Variants in DDX4 observed in about 807,000 individuals in gnomAD.
DDX4 encodes the protein probable ATP-dependent RNA helicase DDX4.
A neutral mutation model predicts 100.0 loss-of-function variants in DDX4; 25 were observed. That is an observed-to-expected ratio of 0.25 (90% CI 0.18 to 0.35). The LOEUF (loss-of-function observed/expected upper bound fraction) is 0.35, where lower values mean the gene tolerates loss of function less well. DDX4 is among the 10% of genes least tolerant of loss of function. The probability of loss-of-function intolerance (pLI) is 1.00; values close to 1 mark genes in which losing one functional copy is unlikely to be tolerated. For missense variants in DDX4, 635 were observed against 882.4 expected (o/e 0.72, Z 3.55); for synonymous variants, 259 against 275.7 (o/e 0.94, Z 0.60).
rs1157509861 is a variant in DDX4, at chr5:55,738,875, A to G, written c.-14-75A>G. The G allele has an allele frequency of 6.7e-6, 6 of 890,022 alleles. No individual in the cohort carries two copies. In the East Asian group the frequency reaches 1.2e-4, roughly 18 times the overall value. 55.1% of individuals were successfully genotyped at this position (890,022 alleles called of 1,614,324 possible). A position where few individuals can be genotyped will look rare whatever the true frequency, so the allele number is the denominator to read the frequency against. ...GTAGTTTCAAGATGTATGTGAAACA[A>G]TGAGTTTATGCTTTTAAAGTTATGA... On this transcript the variant is annotated intron_variant, in intron 1 of 21. Coordinates refer to ENST00000505374, the MANE Select transcript of DDX4 (RefSeq NM_024415.3).
intron 15 of DDX4, 25 bp downstream of exon 15, chr5:55,788,025 C>A (rs751886876): frequency 6.4e-7 from 1 of 1,559,950 alleles, no homozygotes; most frequent in Non-Finnish European, 8.7e-7. Context: ...GTGCTACTCA[C>A]AAAATAGTTT....
intron 17 of DDX4, among the ~76,000 whole-genome samples, chr5:55,796,889 T>C (rs1742996977): frequency 7.6e-6 from 1 of 130,942 alleles, no homozygotes; most frequent in African/African-American, 2.8e-5. Flanking sequence ...TCGCCCAGGC[T>C]GAAGTTCAGA....
At chr5:55,753,713 T>G (rs1289021713) in intron 3 of DDX4, among the ~76,000 whole-genome samples, 6 of 135,974 alleles carry the variant, frequency 4.4e-5, no homozygotes, top group East Asian at 2.2e-4. Flanking sequence ...GTGAAGAAAG[T>G]CATTGGTAGC....
intron 3 of DDX4, among the ~76,000 whole-genome samples, chr5:55,759,739 A>T (rs1207568633): frequency 6.6e-6 from 1 of 152,206 alleles, no homozygotes; most frequent in African/African-American, 2.4e-5. Flanking sequence ...CCAGAGGAGA[A>T]ATTCATGTTA....
chr5:55,809,449 T>C (rs1355449929), intron 18 of DDX4, among the ~76,000 whole-genome samples: 1 of 152,150 alleles, frequency 6.6e-6, no homozygotes, highest in Non-Finnish European at 1.5e-5. Context: ...TATTTGGCCA[T>C]CTTGGCTCCA....
intron 14 of DDX4, among the ~76,000 whole-genome samples, chr5:55,787,046 A>T (rs773766807): frequency 2.6e-5 from 4 of 152,228 alleles, no homozygotes; most frequent in Non-Finnish European, 5.9e-5. Flanking sequence ...AGAAACAGTT[A>T]TGCATTGTGC....
intron 16 of DDX4, among the ~76,000 whole-genome samples, chr5:55,791,276 AG>A (rs1277756694): frequency 6.6e-6 from 1 of 152,208 alleles, no homozygotes; most frequent in African/African-American, 2.4e-5. Context: ...TTAATGAACC[AG>A]ATTTGCTTTT....
chr5:55,741,322 A>G (rs1192946024), intron 2 of DDX4, among the ~76,000 whole-genome samples: 7 of 152,198 alleles, frequency 4.6e-5, no homozygotes, highest in Non-Finnish European at 7.3e-5. Flanking sequence ...TGACCAGTCT[A>G]CCTTATGATG....
intron 18 of DDX4, among the ~76,000 whole-genome samples, chr5:55,808,232 A>G (rs1743872602): frequency 6.6e-6 from 1 of 151,928 alleles, no homozygotes; most frequent in Admixed American, 6.6e-5. Flanking sequence ...ATTTTTTTTC[A>G]AGGTTTTTAA....
chr5:55,786,586 T>C lies in DDX4; in HGVS notation c.933T>C (p.Leu311=). Reference sequence around the variant, plus strand: ...TTGCTAAAGCTGGTTATACTAAGCTTACTCCTGTGCAAAAATACAGTATTC... The same window carrying C: ...TTGCTAAAGCTGGTTATACTAAGCTCACTCCTGTGCAAAAATACAGTATTC... The part of the protein sequence containing the change: ...NNIAKAGYTK[L]TPVQKYSIPI... The change falls in exon 14 of 22, where the codon CTT becomes CTC. Residue 311 remains leucine (L), a synonymous_variant. Coordinates refer to ENST00000505374, the MANE Select transcript of DDX4 (RefSeq NM_024415.3). The C allele has an allele frequency of 6.2e-7, 1 of 1,612,684 alleles. No homozygotes were observed. The highest frequency in any genetic ancestry group is 1.7e-5 in the Admixed American group (1 of 59,998).
At chr5:55,762,954 A>T (rs1740655418) in intron 4 of DDX4, among the ~76,000 whole-genome samples, 1 of 152,118 alleles carries the variant, frequency 6.6e-6, no homozygotes, top group Non-Finnish European at 1.5e-5. Flanking sequence ...ACTAGTAGAA[A>T]GCTGTGTTTC....
intron 18 of DDX4, among the ~76,000 whole-genome samples, chr5:55,807,988 C>T (rs1743859133): frequency 6.6e-6 from 1 of 152,288 alleles, no homozygotes; most frequent in East Asian, 1.9e-4. Flanking sequence ...TTCACATAGT[C>T]CCATATTTCT....
At chr5:55,738,806 T>C in intron 1 of DDX4, 144 bp from the exon 2 acceptor site, 1 of 648,884 alleles carries the variant, frequency 1.5e-6, no homozygotes, top group South Asian at 1.8e-5. Context: ...AGAGACCTAA[T>C]TCCTTCTTTG....
rs1742098482 is a variant in DDX4 at position 55,784,124 on chromosome 5, A to G, written c.626-1173A>G. Among the ~76,000 whole-genome samples, 4 of 152,164 alleles carry G rather than the reference A, an allele frequency of 2.6e-5. No homozygotes were observed. The South Asian group carries it at 8.3e-4, about 32-fold the overall frequency. ...CTGTCCTTGTGATAGTTTGCTGAGA[A>G]TGATGGAACCAGGGAAGTTGATGGT... On this transcript the variant is annotated intron_variant, in intron 10 of 21. Coordinates refer to ENST00000505374, the MANE Select transcript of DDX4 (RefSeq NM_024415.3).
intron 2 of DDX4, among the ~76,000 whole-genome samples, chr5:55,745,569 AT>A (rs1461233086): frequency 6.6e-6 from 1 of 151,974 alleles, no homozygotes; most frequent in Non-Finnish European, 1.5e-5. Context: ...CTACAGGCTC[AT>A]GCCACCACAC....
intron 17 of DDX4, among the ~76,000 whole-genome samples, chr5:55,798,202 C>T (rs1419556780): frequency 6.6e-6 from 1 of 152,096 alleles, no homozygotes; most frequent in African/African-American, 2.4e-5. Flanking sequence ...CATATCCATA[C>T]TTTGACAAAC....
chr5:55,765,430 A>G (rs949731750), intron 6 of DDX4, among the ~76,000 whole-genome samples: 8 of 141,820 alleles, frequency 5.6e-5, no homozygotes, highest in Admixed American at 5.0e-4. Flanking sequence ...ATATATATAT[A>G]TATATATGGA....
Position 55,781,942 on chromosome 5 carries a change from G to A in DDX4, c.586G>A (p.Asp196Asn). Residue 196 changes from aspartate (D) to asparagine (N), a missense_variant, in exon 10 of 22, where the codon GAT becomes AAT. Asp to Asn is a conservative substitution (Grantham distance 23). Around this residue, in one of 4 missense-constraint regions of DDX4, gnomAD observed 446 missense variants for 540.8 expected, o/e 0.82. Transcript: ENST00000505374. ...GAAACAATGCCTTACAGGTAATGGT[G>A]ATACTTCTCAAAGCAGAAGTGGCAG... ...RPVLSGTGNG[D>N]TSQSRSGSGS... 2.5e-6 allele frequency: 4 copies of A among 1,614,036 alleles called. No homozygotes were observed. Among genetic ancestry groups the A allele is most frequent in the Non-Finnish European group, 3.4e-6 (4 of 1,179,984 alleles).
intron 5 of DDX4, among the ~76,000 whole-genome samples, 157 bp from the exon 6 acceptor site, chr5:55,763,857 A>G (rs1210746283): frequency 6.6e-6 from 1 of 152,152 alleles, no homozygotes; most frequent in African/African-American, 2.4e-5. Context: ...GACACAAAGC[A>G]GAAATTGTTG....
Sources: allele counts gnomAD v4.1 joint callset (sites outside exome capture counted in the v4.1 genomes callset), GRCh38; gene constraint gnomAD v4.1.1; regional missense constraint gnomAD v4.1.1; transcripts MANE v1.5; gene names NCBI Gene and HGNC (gene_info 2026-07-23, HGNC 2026-07-21).